SLC25A13: variants seen among roughly 807,000 people sequenced by gnomAD.
The protein encoded by SLC25A13 is electrogenic aspartate/glutamate antiporter SLC25A13, mitochondrial.
In SLC25A13, 70 loss-of-function variants were observed where a neutral mutation model predicts 85.5. That is an observed-to-expected ratio of 0.82 (90% CI 0.68 to 1.00). The LOEUF is 1.00. Ranked by LOEUF, SLC25A13 falls within the 50% of genes least tolerant of loss-of-function variation. The probability of loss-of-function intolerance (pLI) is 0.00; values close to 1 mark genes in which losing one functional copy is unlikely to be tolerated. For synonymous variants in SLC25A13, 259 were observed against 288.7 expected, an observed-to-expected ratio of 0.90 and a Z score of 1.04; for missense variants, 765 against 819.8, an observed-to-expected ratio of 0.93 and a Z score of 0.82.
chr7:96,319,188 T>C (rs1584618990), intron 1 of SLC25A13, among the ~76,000 whole-genome samples: 2 of 152,224 alleles, frequency 1.3e-5, no homozygotes, highest in African/African-American at 4.8e-5. Flanking sequence ...AATGGCCTTA[T>C]GTAACCCACA....
In SLC25A13 at chr7:96,321,774, C is replaced by A. The variant is rs557982344; in HGVS notation, c.15+168G>T. On this transcript the variant is annotated intron_variant, in intron 1 of 17. Coordinates refer to ENST00000265631, the MANE Select transcript of SLC25A13 (RefSeq NM_014251.3). ...TCTCTGCACCGACCGCCTGTGCTGC[C>A]CGGGAGGAGTGGCCCCCTCCCTCCA... Among the ~76,000 whole-genome samples, 24 of 152,330 alleles carry A rather than the reference C, an allele frequency of 1.6e-4. No individual in the cohort carries two copies. In the South Asian group the frequency reaches 3.9e-3, roughly 25 times the overall value.
intron 3 of SLC25A13, among the ~76,000 whole-genome samples, chr7:96,262,422 T>C (rs761382793): frequency 3.3e-5 from 5 of 152,196 alleles, no homozygotes; most frequent in Non-Finnish European, 7.3e-5. Flanking sequence ...CCAGTAACGA[T>C]ACTTATTCTT....
chr7:96,157,861 A>C (rs1253641716), intron 13 of SLC25A13, among the ~76,000 whole-genome samples: 1 of 152,218 alleles, frequency 6.6e-6, no homozygotes. Flanking sequence ...TATTTTAGAA[A>C]GGCAACACAA....
At chr7:96,195,662 T>A (rs1201987731) in intron 5 of SLC25A13, among the ~76,000 whole-genome samples, 1 of 152,114 alleles carries the variant, frequency 6.6e-6, no homozygotes, top group African/African-American at 2.4e-5. Flanking sequence ...CTTAGCCTCA[T>A]CTCCTATCAC....
intron 4 of SLC25A13, among the ~76,000 whole-genome samples, chr7:96,213,181 C>T (rs931438517): frequency 2.0e-5 from 3 of 152,282 alleles, no homozygotes; most frequent in East Asian, 1.9e-4. Context: ...TTGGTCTCTA[C>T]GTTTTCCTGC....
rs146111714 is a variant in SLC25A13 at position 96,146,574 on chromosome 7, C to A, written c.1434G>T (p.Gly478=). ...AAGTTACCTTGTAGATCCCAAAAAACCCCAGGTCCCGCACGACAGACAGAG... is the reference window on the plus strand; with the variant it reads ...AAGTTACCTTGTAGATCCCAAAAAAACCCAGGTCCCGCACGACAGACAGAG... ...VSALSVVRDL[G]FFGIYKGAKA... The change falls in exon 14 of 18, where the codon GGG becomes GGT. Residue 478 remains glycine, a synonymous_variant. Transcript: ENST00000265631. 468 of 1,613,168 alleles carry A rather than the reference C, an allele frequency of 2.9e-4. 1 individual carries two copies. The African/African-American group carries it at 5.6e-3, about 19-fold the overall frequency.
At chr7:96,157,916 G>A (rs761820334) in intron 13 of SLC25A13, among the ~76,000 whole-genome samples, 7 of 152,182 alleles carry the variant, frequency 4.6e-5, no homozygotes, top group Non-Finnish European at 8.8e-5. Context: ...AGTACTCCAA[G>A]AACAATGGCC....
At chr7:96,318,875 AAC>A (rs2117042751) in intron 1 of SLC25A13, among the ~76,000 whole-genome samples, 1 of 152,318 alleles carries the variant, frequency 6.6e-6, no homozygotes, top group East Asian at 1.9e-4. Flanking sequence ...CCAATTTCCT[AAC>A]AGTCCATTGA....
At chr7:96,196,444 TGCTAAGACCA>T (rs1191873374) in intron 5 of SLC25A13, among the ~76,000 whole-genome samples, 2 of 152,178 alleles carry the variant, frequency 1.3e-5, no homozygotes, top group Non-Finnish European at 2.9e-5. Flanking sequence ...GAAGCCACAA[TGCTAAGACCA>T]GCCTGTCCAG....
chr7:96,258,141 C>T (rs1797711588), intron 3 of SLC25A13, among the ~76,000 whole-genome samples: 1 of 152,130 alleles, frequency 6.6e-6, no homozygotes, highest in Non-Finnish European at 1.5e-5. Context: ...TGGAAGCATT[C>T]CCTTTGAAAA....
intron 14 of SLC25A13, among the ~76,000 whole-genome samples, chr7:96,136,745 C>T (rs1034188436): frequency 6.6e-6 from 1 of 152,182 alleles, no homozygotes; most frequent in African/African-American, 2.4e-5. Flanking sequence ...GGTAATTACA[C>T]TCACAAAGGC....
intron 4 of SLC25A13, among the ~76,000 whole-genome samples, chr7:96,230,219 C>G (rs1466393973): frequency 6.6e-6 from 1 of 152,112 alleles, no homozygotes; most frequent in African/African-American, 2.4e-5. Flanking sequence ...ACAAAGGAAG[C>G]CAGACCAAAA....
chr7:96,243,947 C>T (rs758009130), intron 3 of SLC25A13, among the ~76,000 whole-genome samples: 17 of 152,066 alleles, frequency 1.1e-4, no homozygotes, highest in Admixed American at 2.0e-4. Context: ...TGATGTGACT[C>T]GCCTCAGAGT....
intron 1 of SLC25A13, among the ~76,000 whole-genome samples, chr7:96,299,943 A>G (rs141515423): frequency 0.014 from 2,156 of 152,332 alleles, 25 homozygotes; most frequent in Non-Finnish European, 0.021. Flanking sequence ...AAAAAGTGGA[A>G]CACCTGTACA....
At chr7:96,134,917 A>G (rs1340785416) in intron 14 of SLC25A13, among the ~76,000 whole-genome samples, 2 of 151,650 alleles carry the variant, frequency 1.3e-5, no homozygotes, top group Non-Finnish European at 2.9e-5. Flanking sequence ...GTGTTTATGC[A>G]GACTAGAACA....
intron 1 of SLC25A13, among the ~76,000 whole-genome samples, chr7:96,297,571 T>A (rs1799393175): frequency 6.6e-6 from 1 of 152,050 alleles, no homozygotes; most frequent in Admixed American, 6.6e-5. Flanking sequence ...TGACCTCAAG[T>A]GATCTGCCCG....
At chr7:96,131,470 G>C (rs1792027866) in intron 15 of SLC25A13, among the ~76,000 whole-genome samples, 1 of 152,122 alleles carries the variant, frequency 6.6e-6, no homozygotes, top group African/African-American at 2.4e-5. Context: ...AAATGATATG[G>C]AACTTGAATT....
chr7:96,306,900 T>C, intron 1 of SLC25A13: 1 of 1,092,410 alleles, frequency 9.2e-7, no homozygotes, highest in Non-Finnish European at 1.4e-6. Flanking sequence ...CCAATCTCTC[T>C]TGCCCTTCAC....
At chr7:96,286,102 G>A (rs1474009668) in intron 2 of SLC25A13, among the ~76,000 whole-genome samples, 1 of 151,932 alleles carries the variant, frequency 6.6e-6, no homozygotes, top group Non-Finnish European at 1.5e-5. Flanking sequence ...GGCTAACACG[G>A]TGAAACCCCA....
Sources: allele counts gnomAD v4.1 joint callset (sites outside exome capture counted in the v4.1 genomes callset), GRCh38; gene constraint gnomAD v4.1.1; transcripts MANE v1.5; gene names NCBI Gene and HGNC (gene_info 2026-07-23, HGNC 2026-07-21).